Variants in CREB5 observed in about 807,000 individuals in gnomAD.
The protein encoded by CREB5 is cyclic AMP-responsive element-binding protein 5.
In CREB5, 19 loss-of-function variants were observed where a neutral mutation model predicts 57.1. That is an observed-to-expected ratio of 0.33 (90% CI 0.23 to 0.49). The LOEUF (loss-of-function observed/expected upper bound fraction) is 0.49, where lower values mean the gene tolerates loss of function less well. Among genes scored for constraint, CREB5 ranks in the 20% least tolerant of loss-of-function variants. The pLI is 0.99. For missense variants in CREB5, 579 were observed against 671.6 expected (o/e 0.86, Z 1.52); for synonymous variants, 238 against 238.3 (o/e 1.00, Z 0.01).
At chr7:28,412,379 T>C (rs1157006670), upstream of CREB5, 1 of 152,276 alleles carries the variant, frequency 6.6e-6, no homozygotes. Flanking sequence ...CCTGACAAGT[T>C]CTTAACTCCC....
chr7:28,599,898 A>G (rs1796848848), intron 5 of CREB5, among the ~76,000 whole-genome samples: 1 of 152,258 alleles, frequency 6.6e-6, no homozygotes, highest in Admixed American at 6.5e-5. Flanking sequence ...TTGTGATGTG[A>G]CCTGCATCTA....
At chr7:28,650,795 C>G (rs1402138019) in intron 5 of CREB5, among the ~76,000 whole-genome samples, 5 of 152,076 alleles carry the variant, frequency 3.3e-5, no homozygotes, top group Admixed American at 6.5e-5. Flanking sequence ...CTTTAGATCT[C>G]AAATTTAATT....
chr7:28,333,742 C>A (rs371462036), intron 1 of CREB5, among the ~76,000 whole-genome samples: 3 of 152,242 alleles, frequency 2.0e-5, no homozygotes, highest in South Asian at 4.1e-4. Context: ...TTTTTTATGG[C>A]TGAATAGTAC....
chr7:28,609,737 G>A (rs904915682), intron 5 of CREB5, among the ~76,000 whole-genome samples: 6 of 152,232 alleles, frequency 3.9e-5, no homozygotes, highest in East Asian at 1.9e-4. Context: ...ATACTGAGCT[G>A]CAAAGGTCGT....
chr7:28,395,954 A>C (rs1159827513), intron 1 of CREB5, among the ~76,000 whole-genome samples: 1 of 152,192 alleles, frequency 6.6e-6, no homozygotes, highest in Non-Finnish European at 1.5e-5. Context: ...TGCAGAAAGA[A>C]AGATCTAAGT....
At chr7:28,768,151 G>A (rs1806109012) in intron 7 of CREB5, among the ~76,000 whole-genome samples, 2 of 152,120 alleles carry the variant, frequency 1.3e-5, no homozygotes, top group African/African-American at 4.8e-5. Context: ...AGAGTCTGAG[G>A]GGCATGTTCC....
chr7:28,628,594 A>T (rs1798089970), intron 5 of CREB5, among the ~76,000 whole-genome samples: 1 of 152,090 alleles, frequency 6.6e-6, no homozygotes, highest in African/African-American at 2.4e-5. Flanking sequence ...TTTCAAGAAC[A>T]TTCTACTGTG....
chr7:28,567,356 G>A (rs987634436), intron 4 of CREB5, among the ~76,000 whole-genome samples: 12 of 152,166 alleles, frequency 7.9e-5, no homozygotes, highest in South Asian at 2.1e-4. Context: ...CAGGACATTA[G>A]CACTCTCGAA....
intron 1 of CREB5, among the ~76,000 whole-genome samples, chr7:28,449,603 G>A (rs1266963654): frequency 6.6e-6 from 1 of 152,076 alleles, no homozygotes; most frequent in African/African-American, 2.4e-5. Flanking sequence ...GATATCTTCT[G>A]TGCTTTTGGT....
chr7:28,686,278 G>A (rs1230347655), intron 5 of CREB5: 35 of 997,084 alleles, frequency 3.5e-5, no homozygotes, highest in Admixed American at 3.5e-5. Flanking sequence ...TTGAGCCTTC[G>A]TCCTCCTCCT....
chr7:28,507,398 C>T (rs866926709), intron 3 of CREB5, among the ~76,000 whole-genome samples: 1 of 152,108 alleles, frequency 6.6e-6, no homozygotes, highest in Non-Finnish European at 1.5e-5. Flanking sequence ...CAGCAAAAGC[C>T]CTCGCAGACT....
At chr7:28,560,933 T>TGCAC (rs1224485964) in intron 4 of CREB5, among the ~76,000 whole-genome samples, 2 of 49,348 alleles carry the variant, frequency 4.1e-5, no homozygotes, top group African/African-American at 1.6e-4. Flanking sequence ...CGCGTGCGTG[T>TGCAC]GTGCGTGCGT....
intron 1 of CREB5, among the ~76,000 whole-genome samples, chr7:28,368,671 T>C (rs1285221913): frequency 6.6e-6 from 1 of 152,200 alleles, no homozygotes; most frequent in African/African-American, 2.4e-5. Flanking sequence ...TCAGCTCACA[T>C]AACATCCCCT....
At chr7:28,683,379 T>C (rs1490407401) in intron 5 of CREB5, among the ~76,000 whole-genome samples, 2 of 152,160 alleles carry the variant, frequency 1.3e-5, no homozygotes, top group African/African-American at 2.4e-5. Context: ...GGAATAGTTA[T>C]GTCCCGAACA....
chr7:28,509,376 C>T (rs1792608769), intron 4 of CREB5, among the ~76,000 whole-genome samples: 2 of 152,144 alleles, frequency 1.3e-5, no homozygotes, highest in South Asian at 2.1e-4. Flanking sequence ...ATCTGAATTC[C>T]AGGAAATGGT....
intron 5 of CREB5, among the ~76,000 whole-genome samples, chr7:28,584,472 G>A (rs1796239874): frequency 6.6e-6 from 1 of 152,110 alleles, no homozygotes; most frequent in African/African-American, 2.4e-5. Context: ...CACAGGGAGA[G>A]TGCCATGTGT....
intron 1 of CREB5, among the ~76,000 whole-genome samples, chr7:28,459,211 T>C (rs1183611809): frequency 6.6e-6 from 1 of 152,182 alleles, no homozygotes; most frequent in Non-Finnish European, 1.5e-5. Context: ...CGGGGGAGTC[T>C]GTCTTCAGAG....
Position 28,819,326 on chromosome 7 carries a change from G to A in CREB5, c.*47G>A. Reference sequence around the variant, plus strand: ...TCCAAGAAGAGCTGTAGCGTACCATGCGTCCTTTCTTTTAAGGGCATTTTT... The same window carrying A: ...TCCAAGAAGAGCTGTAGCGTACCATACGTCCTTTCTTTTAAGGGCATTTTT... On this transcript the variant is annotated 3_prime_UTR_variant, in exon 11 of 11. Coordinates refer to ENST00000357727, the MANE Select transcript of CREB5 (RefSeq NM_182898.4). The A allele has an allele frequency of 6.4e-7, 1 of 1,560,454 alleles. No individual in the cohort carries two copies. The highest frequency in any genetic ancestry group is 1.2e-5 in the South Asian group (1 of 82,692).
At chr7:28,365,114 A>G (rs1786560266) in intron 1 of CREB5, among the ~76,000 whole-genome samples, 1 of 152,054 alleles carries the variant, frequency 6.6e-6, no homozygotes, top group African/African-American at 2.4e-5. Flanking sequence ...CAAACCACGA[A>G]TTGCATCTCC....
Sources: allele counts gnomAD v4.1 joint callset (sites outside exome capture counted in the v4.1 genomes callset), GRCh38; gene constraint gnomAD v4.1.1; transcripts MANE v1.5; gene names NCBI Gene and HGNC (gene_info 2026-07-23, HGNC 2026-07-21).